Variants in PPTC7 observed in about 807,000 individuals in gnomAD.
The protein encoded by PPTC7 is protein phosphatase PTC7 homolog.
Under a neutral mutation model 30.8 loss-of-function variants are expected in PPTC7, and 6 were observed. The ratio of observed to expected loss-of-function variants is 0.19; its 90% confidence interval spans 0.11 to 0.38. The LOEUF (loss-of-function observed/expected upper bound fraction) is 0.38. PPTC7 is among the 10% of genes least tolerant of loss of function. PPTC7 has a pLI of 1.00. For synonymous variants in PPTC7, 163 were observed against 168.1 expected, an observed-to-expected ratio of 0.97 and a Z score of 0.23; for missense variants, 218 against 404.8, an observed-to-expected ratio of 0.54 and a Z score of 3.96.
At position 110,583,211 on chromosome 12, in the gene PPTC7, G is replaced by A; in HGVS notation, c.-180C>T. Reference sequence around the variant, plus strand: ...GGGCCTCGCACGCGCTCAGCCGCGCGCACCGGAGCCAGAGCGAGGTCAGAA... The same window carrying A: ...GGGCCTCGCACGCGCTCAGCCGCGCACACCGGAGCCAGAGCGAGGTCAGAA... On this transcript the variant is annotated 5_prime_UTR_variant, in exon 1 of 6. Transcript: ENST00000354300. 4.5e-6 allele frequency: 1 copy of A among 221,468 alleles called. No individual in the cohort carries two copies. Among genetic ancestry groups the A allele is most frequent in the Non-Finnish European group, 8.3e-6 (1 of 120,696 alleles). 13.7% of individuals were successfully genotyped at this position (221,468 alleles called of 1,614,324 possible).
chr12:110,575,319 A>G (rs2135795259), intron 1 of PPTC7, among the ~76,000 whole-genome samples: 1 of 152,164 alleles, frequency 6.6e-6, no homozygotes, highest in African/African-American at 2.4e-5. Flanking sequence ...TTTGCAAAGC[A>G]TTTTCCTAAA....
chr12:110,540,503 C>T (rs533921665), intron 3 of PPTC7, among the ~76,000 whole-genome samples: 21 of 151,928 alleles, frequency 1.4e-4, no homozygotes, highest in Admixed American at 1.3e-3. Flanking sequence ...AGTCATGCAC[C>T]ACCACGCCTA....
At position 110,535,777 on chromosome 12, in the gene PPTC7, AAAACTTAAAAAT is replaced by A. The variant is rs1177214139; in HGVS notation, c.*1248_*1259del. ...TCTTTACAGCAGTCAACTTGTACAC[AAAACTTAAAAAT>A]AAGTTTCAGCTTGCAGATAATGTGA... On this transcript the variant is annotated 3_prime_UTR_variant, in exon 6 of 6. Coordinates refer to ENST00000354300, the MANE Select transcript of PPTC7 (RefSeq NM_139283.2). The A allele has an allele frequency of 3.3e-5, 5 of 152,670 alleles. No homozygotes were observed. Among genetic ancestry groups the A allele is most frequent in the Non-Finnish European group, 5.9e-5 (4 of 68,044 alleles). The allele number at this position is 152,670 out of a possible 1,614,324, so 9.5% of individuals were successfully genotyped here.
intron 1 of PPTC7, among the ~76,000 whole-genome samples, chr12:110,568,124 G>A (rs1161406920): frequency 6.6e-6 from 1 of 151,972 alleles, no homozygotes; most frequent in Non-Finnish European, 1.5e-5. Flanking sequence ...TGAAACAGCT[G>A]TAGTTTTGGG....
At chr12:110,562,286 CAAAAAAAAAAAA>C (rs11319526) in intron 1 of PPTC7, among the ~76,000 whole-genome samples, 164 of 34,742 alleles carry the variant, frequency 4.7e-3, no homozygotes, top group Admixed American at 0.012. Context: ...GACTCCATCT[CAAAAAAAAAAAA>C]AAAAAAAAAA....
At chr12:110,571,560 C>T (rs1455741642) in intron 1 of PPTC7, among the ~76,000 whole-genome samples, 3 of 152,110 alleles carry the variant, frequency 2.0e-5, no homozygotes, top group East Asian at 1.9e-4. Context: ...ATTGACTTCA[C>T]GAAGTCAAAT....
Position 110,579,298 on chromosome 12 carries a change from T to TCCACAA in PPTC7, c.223+3505_223+3510dup, listed in dbSNP as rs529616372. Among the ~76,000 whole-genome samples, 413 of 152,328 alleles carry TCCACAA rather than the reference T, an allele frequency of 2.7e-3. 5 individuals are homozygous for TCCACAA. The highest frequency in any genetic ancestry group is 9.3e-3 in the African/African-American group (385 of 41,572). On this transcript the variant is annotated intron_variant, in intron 1 of 5. Coordinates refer to ENST00000354300, the MANE Select transcript of PPTC7 (RefSeq NM_139283.2). ...CAAGACTGCCGTCCGGAAGAGCTCC[T>TCCACAA]CCACAACAGGACAGTCCTGGAGAAC...
At chr12:110,549,833 T>C (rs1046013553) in intron 2 of PPTC7, among the ~76,000 whole-genome samples, 2 of 152,138 alleles carry the variant, frequency 1.3e-5, no homozygotes, top group Admixed American at 6.6e-5. Flanking sequence ...AGAGCCACTC[T>C]TGAGAACATG....
rs1205261160 is a variant in PPTC7, at chr12:110,536,993, G to T, written c.*44C>A. 1 of 1,491,442 alleles carries T rather than the reference G, an allele frequency of 6.7e-7. No homozygotes were observed. 92.4% of individuals were successfully genotyped at this position (1,491,442 alleles called of 1,614,324 possible). A position where few individuals can be genotyped will look rare whatever the true frequency, so the allele number is the denominator to read the frequency against. ...AGCAGGATCAGCACACATGGCAGGG[G>T]AAATTTGGGATGATGAAAGGAAAGG... is the stretch of plus-strand genomic sequence containing the variant. On this transcript the variant is annotated 3_prime_UTR_variant, in exon 6 of 6. Coordinates refer to ENST00000354300, the MANE Select transcript of PPTC7 (RefSeq NM_139283.2).
intron 1 of PPTC7, among the ~76,000 whole-genome samples, chr12:110,566,816 T>C (rs992875286): frequency 7.2e-5 from 11 of 152,168 alleles, no homozygotes; most frequent in African/African-American, 2.7e-4. Context: ...CCATTCAATA[T>C]TCCATTAAAC....
intron 1 of PPTC7, among the ~76,000 whole-genome samples, chr12:110,566,467 G>C (rs1240643883): frequency 6.6e-6 from 1 of 152,188 alleles, no homozygotes; most frequent in Non-Finnish European, 1.5e-5. Flanking sequence ...GCAGCTCTCT[G>C]AGCTTCAGTA....
intron 3 of PPTC7, among the ~76,000 whole-genome samples, chr12:110,543,426 A>G (rs1337886345): frequency 1.3e-5 from 2 of 151,746 alleles, no homozygotes; most frequent in East Asian, 3.9e-4. Context: ...AAGGAGATAC[A>G]TGCAGCATGA....
chr12:110,563,728 C>T (rs2064457713), intron 1 of PPTC7, among the ~76,000 whole-genome samples: 1 of 152,136 alleles, frequency 6.6e-6, no homozygotes, highest in African/African-American at 2.4e-5. Context: ...AAATAGTTAG[C>T]TATTCCTTGC....
At chr12:110,541,243 G>A (rs1055803819) in intron 3 of PPTC7, among the ~76,000 whole-genome samples, 5 of 151,710 alleles carry the variant, frequency 3.3e-5, no homozygotes, top group South Asian at 2.1e-4. Flanking sequence ...TTAGCCAGGC[G>A]TGGTGGCACA....
At chr12:110,568,117 A>G (rs546739871) in intron 1 of PPTC7, among the ~76,000 whole-genome samples, 1 of 152,210 alleles carries the variant, frequency 6.6e-6, no homozygotes, top group South Asian at 2.1e-4. Flanking sequence ...CCAGCCATGA[A>G]ACAGCTGTAG....
intron 1 of PPTC7, among the ~76,000 whole-genome samples, chr12:110,577,643 A>G (rs1033830968): frequency 7.9e-5 from 12 of 152,206 alleles, no homozygotes; most frequent in Non-Finnish European, 1.3e-4. Flanking sequence ...ACACTTCAAA[A>G]TCCTGACCAC....
At chr12:110,571,128 C>T (rs999920352) in intron 1 of PPTC7, among the ~76,000 whole-genome samples, 1 of 151,936 alleles carries the variant, frequency 6.6e-6, no homozygotes, top group African/African-American at 2.4e-5. Flanking sequence ...CTTGTGCACT[C>T]GGAAGAAGCT....
intron 2 of PPTC7, among the ~76,000 whole-genome samples, chr12:110,549,631 A>G (rs2064336079): frequency 6.6e-6 from 1 of 152,212 alleles, no homozygotes; most frequent in Non-Finnish European, 1.5e-5. Flanking sequence ...ATTTTCTCTA[A>G]TATTAAATTT....
At chr12:110,562,154 G>A (rs528351731) in intron 1 of PPTC7, among the ~76,000 whole-genome samples, 11 of 151,728 alleles carry the variant, frequency 7.2e-5, no homozygotes, top group South Asian at 4.2e-4. Flanking sequence ...GCCTGGTGGC[G>A]CATGCCTGTA....
Sources: allele counts gnomAD v4.1 joint callset (sites outside exome capture counted in the v4.1 genomes callset), GRCh38; gene constraint gnomAD v4.1.1; transcripts MANE v1.5; gene names NCBI Gene and HGNC (gene_info 2026-07-23, HGNC 2026-07-21).